The following SAMD5 variants were observed in gnomAD, a reference collection of about 807,000 sequenced individuals.
The protein encoded by SAMD5 is sterile alpha motif domain-containing protein 5.
Under a neutral mutation model 11.3 loss-of-function variants are expected in SAMD5, and 13 were observed. The ratio of observed to expected loss-of-function variants is 1.15; its 90% CI spans 0.75 to 1.83. SAMD5 has a LOEUF of 1.83. SAMD5 is among the 40% of genes most tolerant of loss of function. The pLI is 0.00. For missense variants in SAMD5, 255 were observed against 239.1 expected, an observed-to-expected ratio of 1.07 and a Z score of -0.44; for synonymous variants, 129 against 111.3, an observed-to-expected ratio of 1.16 and a Z score of -1.00.
At chr6:147,792,318 G>A in the SAMD5 span, among the ~76,000 whole-genome samples, 1,182 of 152,264 alleles carry the variant, frequency 7.8e-3, 18 homozygotes, top group Middle Eastern at 0.041. Flanking sequence ...GAACAGTTAA[G>A]CAAATGAATA....
the SAMD5 span, among the ~76,000 whole-genome samples, chr6:147,863,866 CAG>C: frequency 4.3e-5 from 5 of 115,374 alleles, no homozygotes; most frequent in Admixed American, 1.1e-4. Flanking sequence ...TTTTTTGAGA[CAG>C]AGTCTTGCTC....
chr6:147,571,461 A>G (rs530516263), downstream of SAMD5, among the ~76,000 whole-genome samples: 366 of 152,272 alleles, frequency 2.4e-3, 5 homozygotes, highest in African/African-American at 8.5e-3. Context: ...ATTTTAAATG[A>G]AAAACTTACT....
chr6:147,885,481 C>T, the SAMD5 span, among the ~76,000 whole-genome samples: 1 of 152,012 alleles, frequency 6.6e-6, no homozygotes, highest in Non-Finnish European at 1.5e-5. Flanking sequence ...ATTTTGTTTC[C>T]TCTCTTACCC....
At chr6:147,651,249 G>A (rs753274246) in intron 1 of SAMD5, among the ~76,000 whole-genome samples, 3 of 152,140 alleles carry the variant, frequency 2.0e-5, no homozygotes, top group Non-Finnish European at 4.4e-5. Flanking sequence ...AAACGATTAC[G>A]GTCCAGCTCG....
chr6:147,852,260 T>G, the SAMD5 span, among the ~76,000 whole-genome samples: 1 of 152,146 alleles, frequency 6.6e-6, no homozygotes, highest in African/African-American at 2.4e-5. Context: ...ACCCTATCCA[T>G]ATATACTACA....
chr6:147,769,804 T>C, the SAMD5 span, among the ~76,000 whole-genome samples: 1 of 152,218 alleles, frequency 6.6e-6, no homozygotes, highest in Non-Finnish European at 1.5e-5. Context: ...ATGTCTGTTT[T>C]CTTGGTCTGT....
chr6:147,758,315 G>A, the SAMD5 span, among the ~76,000 whole-genome samples: 1 of 152,172 alleles, frequency 6.6e-6, no homozygotes. Context: ...TTTGGAAAAG[G>A]AAAATTGCTA....
intron 1 of SAMD5, chr6:147,660,666 G>A (rs1386071266): frequency 2.4e-5 from 3 of 127,104 alleles, no homozygotes; most frequent in Non-Finnish European, 5.3e-5. Context: ...AGGCGATCTG[G>A]ATCTGGATGT....
intron 1 of SAMD5, among the ~76,000 whole-genome samples, chr6:147,690,029 T>C (rs1182247992): frequency 6.6e-6 from 1 of 152,200 alleles, no homozygotes; most frequent in Non-Finnish European, 1.5e-5. Flanking sequence ...TTAGAAAATA[T>C]CTGTTGGTTT....
chr6:147,927,885 G>T, the SAMD5 span, among the ~76,000 whole-genome samples: 4 of 152,104 alleles, frequency 2.6e-5, no homozygotes, highest in Non-Finnish European at 2.9e-5. Context: ...AGAAATGTTA[G>T]ATTTTATCTA....
chr6:147,509,324 C>T lies in SAMD5; in HGVS notation c.396C>T (p.Ile132=). 1 of 1,582,504 alleles carries T rather than the reference C, an allele frequency of 6.3e-7. No individual in the cohort carries two copies. Among genetic ancestry groups the T allele is most frequent in the South Asian group, 1.2e-5 (1 of 86,780 alleles). ...GCTACCCCAAACTGAAGCTGAAGAT[C>T]ATGATCAGGGATAAGCTCGTCCGTG... is the stretch of plus-strand genomic sequence containing the variant. The part of the protein sequence containing the change: ...LVSYPKLKLK[I]MIRDKLVRDG... Residue 132 remains isoleucine, a synonymous_variant, in exon 1 of 2, where the codon ATC becomes ATT. Transcript: ENST00000367474.
the SAMD5 span, among the ~76,000 whole-genome samples, chr6:147,867,136 G>A: frequency 5.3e-5 from 8 of 151,970 alleles, no homozygotes; most frequent in South Asian, 4.1e-4. Context: ...GCCTGATGAC[G>A]GTAAAAACAC....
downstream of SAMD5, among the ~76,000 whole-genome samples, chr6:147,570,372 T>C (rs954690559): frequency 6.6e-6 from 1 of 152,186 alleles, no homozygotes; most frequent in Non-Finnish European, 1.5e-5. Context: ...TTTCTGTACA[T>C]GTGTTTCTGC....
chr6:147,821,333 T>C, the SAMD5 span, among the ~76,000 whole-genome samples: 1 of 152,260 alleles, frequency 6.6e-6, no homozygotes, highest in African/African-American at 2.4e-5. Context: ...CATTTTGCAG[T>C]GTAGGCAGCC....
At chr6:147,804,146 C>T in the SAMD5 span, among the ~76,000 whole-genome samples, 2 of 144,104 alleles carry the variant, frequency 1.4e-5, no homozygotes, top group Non-Finnish European at 3.0e-5. Flanking sequence ...GTCTTGCTGT[C>T]GGCCAGGCTG....
chr6:147,706,148 T>C (rs1791322254), intron 1 of SAMD5, among the ~76,000 whole-genome samples: 1 of 152,156 alleles, frequency 6.6e-6, no homozygotes, highest in Non-Finnish European at 1.5e-5. Flanking sequence ...TTTTGCATTA[T>C]AAGAAATTTT....
chr6:147,649,287 T>G (rs1370434355), intron 1 of SAMD5, among the ~76,000 whole-genome samples: 2 of 152,194 alleles, frequency 1.3e-5, no homozygotes, highest in Non-Finnish European at 2.9e-5. Context: ...AAGCTTCAGA[T>G]GTCTTTTATC....
intron 1 of SAMD5, among the ~76,000 whole-genome samples, chr6:147,534,148 T>A (rs1425552312): frequency 2.0e-5 from 3 of 152,182 alleles, no homozygotes; most frequent in Admixed American, 1.3e-4. Context: ...AATGTGGAGT[T>A]CAGAACCCTG....
chr6:147,781,005 G>T, the SAMD5 span, among the ~76,000 whole-genome samples: 3 of 151,926 alleles, frequency 2.0e-5, no homozygotes. Flanking sequence ...AGTGTTGCTG[G>T]GCAGCAAAGA....
Sources: allele counts gnomAD v4.1 joint callset (sites outside exome capture counted in the v4.1 genomes callset), GRCh38; gene constraint gnomAD v4.1.1; transcripts MANE v1.5; gene names NCBI Gene and HGNC (gene_info 2026-07-23, HGNC 2026-07-21).